The following FAAH2 variants were observed in gnomAD, a reference collection of about 807,000 sequenced individuals.
FAAH2 encodes the protein fatty acid amide hydrolase 2, also known as fatty-acid amide hydrolase 2.
In FAAH2, 60 loss-of-function variants were observed where a neutral mutation model predicts 36.9. The observed-to-expected ratio is 1.63, with a 90% CI of 1.32 to 2.02. FAAH2 has a LOEUF of 2.02. Ranked by LOEUF, FAAH2 falls within the 30% of genes most tolerant of loss-of-function variation. FAAH2 has a pLI of 0.00. For missense variants in FAAH2, 689 were observed against 397.5 expected (o/e 1.73, Z -6.23); for synonymous variants, 214 against 143.8 (o/e 1.49, Z -3.49).
At chrX:57,218,400 T>A in the FAAH2 span, among the ~76,000 whole-genome samples, 1 of 112,231 alleles carries the variant, frequency 8.9e-6, no homozygotes, top group African/African-American at 3.2e-5. Context: ...CTGGGGGTTT[T>A]AATCTAAAGC....
At chrX:57,151,679 T>C in the FAAH2 span, among the ~76,000 whole-genome samples, 2 of 111,016 alleles carry the variant, frequency 1.8e-5, no homozygotes, top group Non-Finnish European at 3.8e-5. Context: ...TTTTTCAAAG[T>C]TTTTAACTTC....
intron 3 of FAAH2, among the ~76,000 whole-genome samples, chrX:57,323,596 AT>A (rs748049528): frequency 2.8e-5 from 3 of 107,102 alleles, no homozygotes; most frequent in East Asian, 5.8e-4. Context: ...GATGATAAGC[AT>A]TTTTTTCATG....
chrX:57,320,784 T>C (rs780386210), intron 3 of FAAH2, among the ~76,000 whole-genome samples: 159 of 112,315 alleles, frequency 1.4e-3, no homozygotes, highest in African/African-American at 4.9e-3. Flanking sequence ...TGCCAATCAG[T>C]GATGGACTGG....
upstream of FAAH2, among the ~76,000 whole-genome samples, chrX:57,283,331 G>A (rs1389177391): frequency 8.9e-6 from 1 of 111,929 alleles, no homozygotes; most frequent in Non-Finnish European, 1.9e-5. Context: ...GTTCAGCCAG[G>A]GGGTGAGGCA....
the FAAH2 span, among the ~76,000 whole-genome samples, chrX:57,226,784 G>A: frequency 3.6e-5 from 4 of 111,852 alleles, no homozygotes; most frequent in South Asian, 7.4e-4. Context: ...CAGGAATACC[G>A]ATTATTCTTA....
the FAAH2 span, among the ~76,000 whole-genome samples, chrX:57,275,233 C>T: frequency 8.9e-6 from 1 of 112,451 alleles, no homozygotes; most frequent in South Asian, 3.7e-4. Context: ...GAACTACAAA[C>T]CACTGCTCAA....
At chrX:57,125,605 C>T in the FAAH2 span, among the ~76,000 whole-genome samples, 3 of 111,923 alleles carry the variant, frequency 2.7e-5, no homozygotes, top group Non-Finnish European at 5.6e-5. Context: ...GACCTGTTCT[C>T]CTCCTATCTC....
chrX:57,304,345 A>G (rs922582995), intron 2 of FAAH2, among the ~76,000 whole-genome samples: 1 of 112,449 alleles, frequency 8.9e-6, no homozygotes, highest in Non-Finnish European at 1.9e-5. Flanking sequence ...CTATCCCACA[A>G]ACCAGTAAGT....
Position 57,421,243 on chromosome X carries a change from A to G in FAAH2, c.997-10675A>G, listed in dbSNP as rs766708198. On this transcript the variant is annotated intron_variant, in intron 7 of 10. Coordinates refer to ENST00000374900, the MANE Select transcript of FAAH2 (RefSeq NM_174912.4). ...GGCGGATCACAAGATCAGGAGTCTG[A>G]GACCAGCCTAACCAACATGGTGATA... Among the ~76,000 whole-genome samples the G allele has an allele frequency of 1.7e-4, 19 of 111,843 alleles. No individual in the cohort carries two copies. In the East Asian group the frequency reaches 5.4e-3, roughly 32 times the overall value.
At chrX:57,254,340 C>A in the FAAH2 span, among the ~76,000 whole-genome samples, 2 of 111,504 alleles carry the variant, frequency 1.8e-5, no homozygotes, top group African/African-American at 6.5e-5. Context: ...CTTTAACACC[C>A]CACTGTCAAT....
At chrX:57,466,923 A>G (rs1239422090) in intron 10 of FAAH2, among the ~76,000 whole-genome samples, 1 of 111,442 alleles carries the variant, frequency 9.0e-6, no homozygotes, top group Non-Finnish European at 1.9e-5. Flanking sequence ...TACACAGACC[A>G]TGCTGAATCT....
chrX:57,412,584 T>C (rs1009230924), intron 7 of FAAH2, among the ~76,000 whole-genome samples: 2 of 112,404 alleles, frequency 1.8e-5, no homozygotes, highest in East Asian at 5.6e-4. Flanking sequence ...TAGTATTTCA[T>C]GGTGTATATG....
At chrX:57,370,601 C>T (rs1038193909) in intron 5 of FAAH2, among the ~76,000 whole-genome samples, 6 of 111,748 alleles carry the variant, frequency 5.4e-5, no homozygotes, top group Non-Finnish European at 1.1e-4. Flanking sequence ...ATAAACTATA[C>T]TCTAGACCAG....
In FAAH2 at chrX:57,488,791, A is replaced by G. The variant is rs1424026284; in HGVS notation, c.1458A>G (p.Gln486=). The G allele has an allele frequency of 2.5e-6, 3 of 1,209,138 alleles. No homozygotes were observed. Among genetic ancestry groups the G allele is most frequent in the African/African-American group, 1.8e-5 (1 of 57,053 alleles). ...VFSALGLPVT[Q]CPLGLNAKGL... is the part of the protein sequence containing the mutation. ...GTGCCCTGGGTTTGCCTGTGACCCAATGCCCACTGGGACTGAATGCCAAAG... is the reference window on the plus strand; with the variant it reads ...GTGCCCTGGGTTTGCCTGTGACCCAGTGCCCACTGGGACTGAATGCCAAAG... Residue 486 remains glutamine (Q), a synonymous_variant, in exon 11 of 11, where the codon CAA becomes CAG. Coordinates refer to ENST00000374900, the MANE Select transcript of FAAH2 (RefSeq NM_174912.4).
intron 8 of FAAH2, among the ~76,000 whole-genome samples, chrX:57,433,018 T>C (rs2056337185): frequency 9.0e-6 from 1 of 110,873 alleles, no homozygotes; most frequent in African/African-American, 3.3e-5. Context: ...CCCAGTTTTC[T>C]TTGCAGAAAC....
rs1295125814 is a variant in FAAH2, at chrX:57,448,431, G to T, written c.1229-93G>T. Reference sequence around the variant, plus strand: ...ACTTACTTTCTCAGTGTTCTATAATGAACATGTATTACTTGAATAAGAAAA... The same window carrying T: ...ACTTACTTTCTCAGTGTTCTATAATTAACATGTATTACTTGAATAAGAAAA... On this transcript the variant is annotated intron_variant, in intron 9 of 10. Coordinates refer to ENST00000374900, the MANE Select transcript of FAAH2 (RefSeq NM_174912.4). 4.9e-6 allele frequency: 4 copies of T among 816,340 alleles called. No individual in the cohort carries two copies. In the African/African-American group the frequency reaches 8.4e-5, roughly 17 times the overall value. 67.3% of individuals were successfully genotyped at this position (816,340 alleles called of 1,213,427 possible).
the FAAH2 span, among the ~76,000 whole-genome samples, chrX:57,227,108 TC>T: frequency 4.0e-4 from 45 of 111,730 alleles, no homozygotes; most frequent in African/African-American, 1.4e-3. Context: ...TACTTTGATC[TC>T]TCCCTGATTA....
At chrX:57,157,315 A>C in the FAAH2 span, among the ~76,000 whole-genome samples, 2 of 111,759 alleles carry the variant, frequency 1.8e-5, no homozygotes, top group Non-Finnish European at 3.8e-5. Flanking sequence ...TGTAGTCATG[A>C]TGGCCTGGTT....
intron 10 of FAAH2, among the ~76,000 whole-genome samples, chrX:57,471,704 C>T (rs2080917513): frequency 9.0e-6 from 1 of 111,377 alleles, no homozygotes; most frequent in Non-Finnish European, 1.9e-5. Flanking sequence ...TTCCCATCAA[C>T]CTACAAATGA....
Sources: allele counts gnomAD v4.1 joint callset (sites outside exome capture counted in the v4.1 genomes callset), GRCh38; gene constraint gnomAD v4.1.1; transcripts MANE v1.5; gene names NCBI Gene and HGNC (gene_info 2026-07-23, HGNC 2026-07-21).